SULF1: variants seen among roughly 807,000 people sequenced by gnomAD.
SULF1 encodes the protein sulfatase 1, also known as extracellular sulfatase Sulf-1.
A neutral mutation model predicts 110.5 loss-of-function variants in SULF1; 46 were observed. The observed-to-expected ratio is 0.42, with a 90% CI of 0.33 to 0.53. The LOEUF (loss-of-function observed/expected upper bound fraction) is 0.53, where lower values mean the gene tolerates loss of function less well. Ranked by LOEUF, SULF1 falls within the 20% of genes least tolerant of loss-of-function variation. The pLI, the probability that SULF1 is intolerant of heterozygous loss-of-function variation, is 0.12. For missense variants in SULF1, 941 were observed against 1,094.2 expected, an observed-to-expected ratio of 0.86 and a Z score of 1.98; for synonymous variants, 371 against 387.1, an observed-to-expected ratio of 0.96 and a Z score of 0.49.
chr8:69,600,942 C>T (rs1257284555), intron 9 of SULF1, among the ~76,000 whole-genome samples, 189 bp downstream of exon 9: 5 of 152,166 alleles, frequency 3.3e-5, no homozygotes, highest in Non-Finnish European at 7.3e-5. Context: ...TTCCATCTAC[C>T]TCTCCAGGGT....
At chr8:69,588,518 G>C (rs1978929) in intron 7 of SULF1, among the ~76,000 whole-genome samples, 7,317 of 152,178 alleles carry the variant, frequency 0.048, 598 homozygotes, top group African/African-American at 0.17. Context: ...GTGTGTGTAT[G>C]TATGTGTGTG....
intron 3 of SULF1, among the ~76,000 whole-genome samples, chr8:69,517,583 G>A (rs953283223): frequency 1.3e-5 from 2 of 152,066 alleles, no homozygotes; most frequent in African/African-American, 2.4e-5. Flanking sequence ...ATGGGTGGGG[G>A]CAAAATGAAC....
intron 1 of SULF1, among the ~76,000 whole-genome samples, chr8:69,468,657 G>C (rs1419528316): frequency 1.3e-5 from 2 of 152,120 alleles, no homozygotes; most frequent in Non-Finnish European, 2.9e-5. Flanking sequence ...TGGAAATGAG[G>C]TTTTAAAAAA....
chr8:69,611,118 C>G, intron 13 of SULF1, among the ~76,000 whole-genome samples: 1 of 152,232 alleles, frequency 6.6e-6, no homozygotes, highest in East Asian at 1.9e-4. Flanking sequence ...GTTTCTTAAC[C>G]TAACTCTGCC....
At chr8:69,563,239 C>A (rs1334484021) in intron 3 of SULF1, 1 of 152,366 alleles carries the variant, frequency 6.6e-6, no homozygotes, top group Non-Finnish European at 1.5e-5. Flanking sequence ...GCACTGCTGG[C>A]TCTTCCTAAT....
chr8:69,634,631 C>T (rs1435313258), intron 19 of SULF1, among the ~76,000 whole-genome samples: 5 of 151,886 alleles, frequency 3.3e-5, no homozygotes, highest in Admixed American at 1.3e-4. Context: ...ATTATCCGGG[C>T]TTGCCTGTAG....
chr8:69,592,916 A>G (rs997479244), intron 8 of SULF1: 7 of 987,274 alleles, frequency 7.1e-6, no homozygotes, highest in Admixed American at 1.2e-4. Context: ...GGCCATTCCA[A>G]TGGAACAGAC....
At position 69,625,294 on chromosome 8, in the gene SULF1, C is replaced by A. The variant is rs187125267; in HGVS notation, c.1850+1097C>A. 2.0e-5 allele frequency among the ~76,000 whole-genome samples: 3 copies of A among 152,264 alleles called. No homozygotes were observed. In the East Asian group the frequency reaches 5.8e-4, roughly 29 times the overall value. The stretch of plus-strand genomic sequence containing the variant: ...ATGAGGGTGTGAGCATTGAAAACTG[C>A]CTTGAAAAGTGGTTGTAGGGATGAT... On this transcript the variant is annotated intron_variant, in intron 15 of 22. Transcript: ENST00000402687.
At chr8:69,557,933 G>A (rs746033544) in intron 3 of SULF1, among the ~76,000 whole-genome samples, 1 of 152,186 alleles carries the variant, frequency 6.6e-6, no homozygotes, top group Non-Finnish European at 1.5e-5. Flanking sequence ...GAGAATAAAA[G>A]TGTTACTACA....
chr8:69,536,153 T>TG lies in SULF1; in HGVS notation c.-133-27385dup, dbSNP rs1487703894. On this transcript the variant is annotated intron_variant, in intron 3 of 22. Transcript: ENST00000402687. ...ACTCTTTATAGTATTTACGCTCAGG[T>TG]GTTTTGCGCAGATCATTTCACTAGT... 2.0e-5 allele frequency among the ~76,000 whole-genome samples: 3 copies of TG among 152,278 alleles called. No homozygotes were observed. The East Asian group carries it at 5.8e-4, about 29-fold the overall frequency.
chr8:69,654,178 C>G (rs1426930375), intron 22 of SULF1, among the ~76,000 whole-genome samples: 2 of 152,166 alleles, frequency 1.3e-5, no homozygotes, highest in Non-Finnish European at 2.9e-5. Flanking sequence ...TTGGATTTCT[C>G]TCATGACTCA....
chr8:69,600,740 A>G lies in SULF1; in HGVS notation c.872A>G (p.Asp291Gly). The G allele has an allele frequency of 6.2e-7, 1 of 1,613,896 alleles. No individual in the cohort carries two copies. Among genetic ancestry groups the G allele is most frequent in the Non-Finnish European group, 8.5e-7 (1 of 1,179,860 alleles). ...CTCCAGACTTTGATGTCAGTGGATG[A>G]TTCTGTGGAGAGGGTAAGCACATGA... ...KRLQTLMSVD[D>G]SVERLYNMLV... Residue 291 changes from aspartate to glycine, a missense_variant, in exon 9 of 23, where the codon GAT (aspartate) becomes GGT (glycine). Transcript: ENST00000402687.
intron 5 of SULF1, among the ~76,000 whole-genome samples, chr8:69,567,983 T>C (rs1816018679): frequency 6.6e-6 from 1 of 152,220 alleles, no homozygotes; most frequent in Non-Finnish European, 1.5e-5. Context: ...TTTTTCCACA[T>C]CCATGCCCAC....
intron 3 of SULF1, among the ~76,000 whole-genome samples, chr8:69,547,462 A>G (rs543863844): frequency 6.6e-6 from 1 of 152,338 alleles, no homozygotes; most frequent in Admixed American, 6.5e-5. Flanking sequence ...GTTAGAGGAA[A>G]ATGCTAGTTA....
chr8:69,487,242 A>T (rs1020734245), intron 1 of SULF1, among the ~76,000 whole-genome samples: 2 of 152,202 alleles, frequency 1.3e-5, no homozygotes, highest in African/African-American at 4.8e-5. Flanking sequence ...ATTGCTAAGG[A>T]TAAATGATTT....
chr8:69,546,000 A>G (rs541032461), intron 3 of SULF1, among the ~76,000 whole-genome samples: 2 of 152,212 alleles, frequency 1.3e-5, no homozygotes, highest in South Asian at 4.2e-4. Context: ...CAGCCTCCAC[A>G]CTGTTTTATA....
At chr8:69,521,790 T>C (rs1812317272) in intron 3 of SULF1, among the ~76,000 whole-genome samples, 1 of 151,342 alleles carries the variant, frequency 6.6e-6, no homozygotes, top group Non-Finnish European at 1.5e-5. Flanking sequence ...AATATATAAG[T>C]TCAAAAGGCT....
chr8:69,600,667 A>C lies in SULF1; in HGVS notation c.799A>C (p.Met267Leu). The C allele has an allele frequency of 6.2e-7, 1 of 1,614,134 alleles. No individual in the cohort carries two copies. The highest frequency in any genetic ancestry group is 8.5e-7 in the Non-Finnish European group (1 of 1,179,964). ...KHWIMQYTGP[M>L]LPIHMEFTNI... ...CTGGATTATGCAGTACACAGGACCA[A>C]TGCTGCCCATCCACATGGAATTTAC... is the stretch of plus-strand genomic sequence containing the variant. Residue 267 changes from methionine (M) to leucine (L), a missense_variant, in exon 9 of 23, where the codon ATG becomes CTG. Coordinates refer to ENST00000402687, the MANE Select transcript of SULF1 (RefSeq NM_001128205.2).
chr8:69,564,200 G>A (rs900217943), intron 5 of SULF1, 53 bp downstream of exon 5: 5 of 1,594,074 alleles, frequency 3.1e-6, no homozygotes, highest in East Asian at 2.2e-5. Context: ...ATGATTTCTC[G>A]AGTCTCAGGA....
Sources: allele counts gnomAD v4.1 joint callset (sites outside exome capture counted in the v4.1 genomes callset), GRCh38; gene constraint gnomAD v4.1.1; transcripts MANE v1.5; gene names NCBI Gene and HGNC (gene_info 2026-07-23, HGNC 2026-07-21).